The following PPARGC1B variants were observed in gnomAD, a reference collection of about 807,000 sequenced individuals.
PPARGC1B encodes the protein PPARG coactivator 1 beta.
PPARGC1B carries 34 observed loss-of-function variants against 101.6 expected under a neutral mutation model. The ratio of observed to expected loss-of-function variants is 0.33; its 90% CI spans 0.25 to 0.45. The LOEUF is 0.45. Among genes scored for constraint, PPARGC1B ranks in the 20% least tolerant of loss-of-function variants. The probability of loss-of-function intolerance (pLI) is 1.00; values close to 1 mark genes in which losing one functional copy is unlikely to be tolerated. For synonymous variants in PPARGC1B, 548 were observed against 539.3 expected, an observed-to-expected ratio of 1.02 and a Z score of -0.22; for missense variants, 1,234 against 1,317.6, an observed-to-expected ratio of 0.94 and a Z score of 0.98.
At position 149,853,919 on chromosome 5, in the gene PPARGC1B, C is replaced by T. The variant is rs1173578968; in HGVS notation, c.*6361C>T. ...GCTCTGGAATTCACACCCACCCCCTCGCCTCCTTGTGCCATGTTGTTAGCA... is the reference window on the plus strand; with the variant it reads ...GCTCTGGAATTCACACCCACCCCCTTGCCTCCTTGTGCCATGTTGTTAGCA... On this transcript the variant is annotated 3_prime_UTR_variant, in exon 12 of 12. Coordinates refer to ENST00000309241, the MANE Select transcript of PPARGC1B (RefSeq NM_133263.4). This position sits in a 1 kb window ranked among gnomAD's most constrained non-coding sequence, Gnocchi z 4.2. 1.3e-5 allele frequency: 2 copies of T among 152,168 alleles called. No individual in the cohort carries two copies. Among genetic ancestry groups the T allele is most frequent in the Admixed American group, 6.5e-5 (1 of 15,278 alleles). The allele number at this position is 152,168 out of a possible 1,614,324, so 9.4% of individuals were successfully genotyped here. A position where few individuals can be genotyped will look rare whatever the true frequency, so the allele number is the denominator to read the frequency against.
intron 10 of PPARGC1B, among the ~76,000 whole-genome samples, chr5:149,844,786 C>G (rs1337588256): frequency 6.6e-6 from 1 of 152,222 alleles, no homozygotes; most frequent in Non-Finnish European, 1.5e-5. Context: ...GCCACTTTGT[C>G]TCTGCCTTGA....
intron 1 of PPARGC1B, among the ~76,000 whole-genome samples, chr5:149,797,552 C>A (rs766781956): frequency 3.3e-5 from 5 of 152,100 alleles, no homozygotes; most frequent in Non-Finnish European, 7.4e-5. Context: ...ATAACAGATT[C>A]TTTTTTTATT....
intron 1 of PPARGC1B, among the ~76,000 whole-genome samples, chr5:149,769,898 C>T (rs916260875): frequency 6.6e-6 from 1 of 152,196 alleles, no homozygotes; most frequent in African/African-American, 2.4e-5. Flanking sequence ...CACACTAGGC[C>T]CACCCAGGTC....
chr5:149,787,996 A>G (rs1425939222), intron 1 of PPARGC1B, among the ~76,000 whole-genome samples: 2 of 152,252 alleles, frequency 1.3e-5, no homozygotes, highest in African/African-American at 2.4e-5. Context: ...AGGCAATACC[A>G]TTCAGGACAT....
At position 149,763,060 on chromosome 5, in the gene PPARGC1B, C is replaced by T. The variant is rs761488112; in HGVS notation, c.78+32640C>T. On this transcript the variant is annotated intron_variant, in intron 1 of 11. Transcript: ENST00000309241. ...TCAGCATCCCAAAGTATTAGCATTA[C>T]GGGCATGAGCCACTGTGCCTGGCTC... Among the ~76,000 whole-genome samples the T allele has an allele frequency of 1.1e-4, 16 of 152,172 alleles. No individual in the cohort carries two copies. In the South Asian group the frequency reaches 1.4e-3, roughly 14 times the overall value.
In PPARGC1B at chr5:149,757,908, T is replaced by G. The variant is rs539747048; in HGVS notation, c.78+27488T>G. ...TGGACTCCCATGGACCCCATTCCCCTGGGAGGCATTTCTTGTAGCTCTAGG... is the reference window on the plus strand; with the variant it reads ...TGGACTCCCATGGACCCCATTCCCCGGGGAGGCATTTCTTGTAGCTCTAGG... On this transcript the variant is annotated intron_variant, in intron 1 of 11. Transcript: ENST00000309241. Among the ~76,000 whole-genome samples, 4 of 152,346 alleles carry G rather than the reference T, an allele frequency of 2.6e-5. No homozygotes were observed. The South Asian group carries it at 8.3e-4, about 32-fold the overall frequency.
intron 9 of PPARGC1B, among the ~76,000 whole-genome samples, chr5:149,840,343 CAA>C (rs1348804987): frequency 2.0e-5 from 3 of 152,188 alleles, no homozygotes; most frequent in African/African-American, 7.2e-5. Context: ...AAAGTTCAAC[CAA>C]GAGACTGGCC....
chr5:149,797,759 A>G (rs1757280169), intron 1 of PPARGC1B, among the ~76,000 whole-genome samples: 1 of 152,132 alleles, frequency 6.6e-6, no homozygotes, highest in South Asian at 2.1e-4. Context: ...TGTCTCTACT[A>G]AAAATATAAA....
At chr5:149,811,215 G>A (rs1757846914) in intron 1 of PPARGC1B, among the ~76,000 whole-genome samples, 1 of 152,112 alleles carries the variant, frequency 6.6e-6, no homozygotes, top group Non-Finnish European at 1.5e-5. Flanking sequence ...ACAGTGCCAG[G>A]GTTCTAGTTT....
chr5:149,847,592 C>G lies in PPARGC1B; in HGVS notation c.*34C>G, dbSNP rs1759618283. On this transcript the variant is annotated 3_prime_UTR_variant, in exon 12 of 12. Transcript: ENST00000309241. ...TTAACCCTCGAGGAATACCTCAATA[C>G]CTCAGACAAGGCCCTTCCAATATGT... 1 of 1,485,144 alleles carries G rather than the reference C, an allele frequency of 6.7e-7. No homozygotes were observed. Among genetic ancestry groups the G allele is most frequent in the Non-Finnish European group, 9.4e-7 (1 of 1,063,576 alleles). The allele number at this position is 1,485,144 out of a possible 1,614,324, so 92.0% of individuals were successfully genotyped here.
intron 1 of PPARGC1B, among the ~76,000 whole-genome samples, chr5:149,747,957 T>G (rs1755148996): frequency 2.0e-5 from 3 of 150,994 alleles, no homozygotes; most frequent in Admixed American, 6.6e-5. Flanking sequence ...CAGGGTGGGG[T>G]TGAGGAGTGG....
chr5:149,755,757 C>T (rs1397743584), intron 1 of PPARGC1B, among the ~76,000 whole-genome samples: 1 of 151,754 alleles, frequency 6.6e-6, no homozygotes. Context: ...GATTCTCTTG[C>T]CTCAGCCTCC....
chr5:149,829,256 G>C (rs550055035), intron 3 of PPARGC1B, among the ~76,000 whole-genome samples: 7 of 152,240 alleles, frequency 4.6e-5, no homozygotes, highest in African/African-American at 1.7e-4. Flanking sequence ...TAGTCTCTCT[G>C]CCCCTGCTCA....
rs1276740403 is a variant in PPARGC1B at position 149,832,595 on chromosome 5, T to C, written c.583-61T>C. ...ATGGGCCAGCCAGTGACCATGCGGA[T>C]GAGACACATGGGAGGAGTGTTTGGG... On this transcript the variant is annotated intron_variant, in intron 4 of 11. Coordinates refer to ENST00000309241, the MANE Select transcript of PPARGC1B (RefSeq NM_133263.4). This position sits in a 1 kb window ranked among gnomAD's most constrained non-coding sequence, Gnocchi z 4.9. 3.3e-5 allele frequency: 45 copies of C among 1,360,892 alleles called. No individual in the cohort carries two copies. The highest frequency in any genetic ancestry group is 4.5e-5 in the Non-Finnish European group (45 of 1,000,110). The allele number at this position is 1,360,892 out of a possible 1,614,324, so 84.3% of individuals were successfully genotyped here.
chr5:149,742,741 C>T (rs1754954571), intron 1 of PPARGC1B, among the ~76,000 whole-genome samples: 2 of 152,166 alleles, frequency 1.3e-5, no homozygotes, highest in African/African-American at 4.8e-5. Context: ...TCAGTGACTT[C>T]CCCAAATCAC....
At chr5:149,841,153 T>C (rs150962817) in intron 9 of PPARGC1B, among the ~76,000 whole-genome samples, 15 of 152,290 alleles carry the variant, frequency 9.8e-5, no homozygotes, top group African/African-American at 3.6e-4. Context: ...TAATGTGCAA[T>C]TAGTAACAAT....
At chr5:149,785,609 T>C (rs760763467) in intron 1 of PPARGC1B, among the ~76,000 whole-genome samples, 2 of 152,232 alleles carry the variant, frequency 1.3e-5, no homozygotes, top group Non-Finnish European at 2.9e-5. Context: ...CGCTTGGCCT[T>C]GGCCTCTACT....
chr5:149,824,564 A>G (rs1319211852), intron 2 of PPARGC1B, among the ~76,000 whole-genome samples: 1 of 152,198 alleles, frequency 6.6e-6, no homozygotes, highest in Non-Finnish European at 1.5e-5. Context: ...AGAGGAGGGA[A>G]ACGACTTGCC....
At chr5:149,785,564 T>C (rs1378002830) in intron 1 of PPARGC1B, among the ~76,000 whole-genome samples, 1 of 152,252 alleles carries the variant, frequency 6.6e-6, no homozygotes, top group Admixed American at 6.5e-5. Context: ...CCCCTTTACC[T>C]TTTGGTGCCA....
Sources: allele counts gnomAD v4.1 joint callset (sites outside exome capture counted in the v4.1 genomes callset), GRCh38; gene constraint gnomAD v4.1.1; non-coding constraint Gnocchi (gnomAD v3.1); transcripts MANE v1.5; gene names NCBI Gene and HGNC (gene_info 2026-07-23, HGNC 2026-07-21).